Variants in OTUD3 observed in about 807,000 individuals in gnomAD.
OTUD3 encodes OTU domain-containing protein 3.
OTUD3 carries 24 observed loss-of-function variants against 46.2 expected under a neutral mutation model. The observed-to-expected ratio is 0.52, with a 90% CI of 0.38 to 0.73. The LOEUF (loss-of-function observed/expected upper bound fraction) is 0.73, where lower values mean the gene tolerates loss of function less well. Ranked by LOEUF, OTUD3 falls within the 30% of genes least tolerant of loss-of-function variation. The pLI, the probability that OTUD3 is intolerant of heterozygous loss-of-function variation, is 0.00. For missense variants in OTUD3, 455 were observed against 523.3 expected, an observed-to-expected ratio of 0.87 and a Z score of 1.27; for synonymous variants, 189 against 195.4, an observed-to-expected ratio of 0.97 and a Z score of 0.27.
chr1:19,892,364 C>G (rs572573406), intron 2 of OTUD3, among the ~76,000 whole-genome samples: 213 of 152,212 alleles, frequency 1.4e-3, no homozygotes, highest in African/African-American at 4.9e-3. Flanking sequence ...TGCTGCCTAC[C>G]TTGTTGTACT....
chr1:19,908,095 T>C lies in OTUD3; in HGVS notation c.*349T>C, dbSNP rs1012404021. The C allele has an allele frequency of 5.6e-6, 1 of 177,358 alleles. No individual in the cohort carries two copies. The highest frequency in any genetic ancestry group is 5.9e-5 in the Admixed American group (1 of 16,842). The allele number at this position is 177,358 out of a possible 1,614,324, so 11.0% of individuals were successfully genotyped here. A position where few individuals can be genotyped will look rare whatever the true frequency, so the allele number is the denominator to read the frequency against. On this transcript the variant is annotated 3_prime_UTR_variant, in exon 8 of 8. Coordinates refer to ENST00000375120, the MANE Select transcript of OTUD3 (RefSeq NM_015207.2). ...TGACCCTAGGATCTTTCCTTAACAT[T>C]TGGGGTGAGTTTTGCTGTAATTGTT...
intron 1 of OTUD3, among the ~76,000 whole-genome samples, chr1:19,883,548 T>C (rs2045306588): frequency 6.6e-6 from 1 of 152,190 alleles, no homozygotes; most frequent in African/African-American, 2.4e-5. Context: ...AATAACAGCC[T>C]GGCTTTTGTT....
intron 1 of OTUD3, among the ~76,000 whole-genome samples, chr1:19,886,333 T>C (rs539834745): frequency 5.9e-4 from 90 of 152,366 alleles, no homozygotes; most frequent in Non-Finnish European, 1.2e-3. Flanking sequence ...TCACTAATTT[T>C]AGCTGTTTAT....
chr1:19,911,705 T>A lies in OTUD3; in HGVS notation c.*3959T>A, dbSNP rs963735845. 1.4e-4 allele frequency: 21 copies of A among 152,302 alleles called. No individual in the cohort carries two copies. The highest frequency in any genetic ancestry group is 5.1e-4 in the African/African-American group (21 of 41,434). The allele number at this position is 152,302 out of a possible 1,614,324, so 9.4% of individuals were successfully genotyped here. ...GCCCGGCCAGTAAATTGTATTTTTT[T>A]AATGACATCATTGATTTGAAGATCT... is the stretch of plus-strand genomic sequence containing the variant. On this transcript the variant is annotated 3_prime_UTR_variant, in exon 8 of 8. Coordinates refer to ENST00000375120, the MANE Select transcript of OTUD3 (RefSeq NM_015207.2).
At chr1:19,885,358 G>C (rs1317962315) in intron 1 of OTUD3, among the ~76,000 whole-genome samples, 1 of 152,162 alleles carries the variant, frequency 6.6e-6, no homozygotes, top group Non-Finnish European at 1.5e-5. Flanking sequence ...TTCAGCCCTC[G>C]TCAGTATCCT....
intron 4 of OTUD3, among the ~76,000 whole-genome samples, chr1:19,901,882 T>G (rs115933842): frequency 0.017 from 2,522 of 152,342 alleles, 75 homozygotes; most frequent in African/African-American, 0.056. Context: ...TTCCATTGTT[T>G]GGAGAGATGA....
chr1:19,900,349 C>T (rs2045570004), intron 4 of OTUD3, among the ~76,000 whole-genome samples: 1 of 152,022 alleles, frequency 6.6e-6, no homozygotes, highest in South Asian at 2.1e-4. Flanking sequence ...TACCACTATG[C>T]CTGGCTAATT....
chr1:19,882,409 G>A lies in OTUD3; in HGVS notation c.-105G>A. The A allele has an allele frequency of 1.5e-6, 2 of 1,298,654 alleles. No individual in the cohort carries two copies. The highest frequency in any genetic ancestry group is 6.3e-5 in the East Asian group (2 of 31,590). 80.4% of individuals were successfully genotyped at this position (1,298,654 alleles called of 1,614,324 possible). A position where few individuals can be genotyped will look rare whatever the true frequency, so the allele number is the denominator to read the frequency against. ...CAGGCGCGGTTGCTGCGTAGTCGTC[G>A]CCGGGCTCCGTTGCCCGCGCTGTTT... is the stretch of plus-strand genomic sequence containing the variant. On this transcript the variant is annotated 5_prime_UTR_variant, in exon 1 of 8. Transcript: ENST00000375120.
rs147142392 is a variant in OTUD3 at position 19,893,682 on chromosome 1, A to T, written c.371-686A>T. Among the ~76,000 whole-genome samples the T allele has an allele frequency of 1.5e-4, 23 of 152,328 alleles. No homozygotes were observed. The East Asian group carries it at 4.2e-3, about 28-fold the overall frequency. On this transcript the variant is annotated intron_variant, in intron 2 of 7. Coordinates refer to ENST00000375120, the MANE Select transcript of OTUD3 (RefSeq NM_015207.2). The stretch of plus-strand genomic sequence containing the variant: ...AACAGACACTCTCATCACCTTTGGG[A>T]ATTCCAGAGGTTTAGAAGTGACCTC...
intron 1 of OTUD3, among the ~76,000 whole-genome samples, chr1:19,886,226 T>G (rs576568515): frequency 5.3e-5 from 8 of 152,372 alleles, no homozygotes; most frequent in African/African-American, 1.9e-4. Context: ...CAGTACAATA[T>G]TAACATCCCT....
chr1:19,902,984 TC>T (rs2045610421), intron 4 of OTUD3, among the ~76,000 whole-genome samples: 1 of 151,994 alleles, frequency 6.6e-6, no homozygotes, highest in Non-Finnish European at 1.5e-5. Flanking sequence ...TTGGGTGGTT[TC>T]CAGTTATTCA....
chr1:19,893,265 C>G (rs72658584), intron 2 of OTUD3, among the ~76,000 whole-genome samples: 3,747 of 152,318 alleles, frequency 0.025, 72 homozygotes, highest in Non-Finnish European at 0.037. Flanking sequence ...TCTCCCAGAA[C>G]CTCCCTTAGG....
rs1320477520 is a variant in OTUD3 at position 19,897,173 on chromosome 1, A to G, written c.484-367A>G. ...GAGCCTTCAAATAGTTAGGGCTTCA[A>G]GCTCAACAAATCTGGATCTGCCCCT... On this transcript the variant is annotated intron_variant, in intron 3 of 7. Transcript: ENST00000375120. Among the ~76,000 whole-genome samples, 3 of 152,124 alleles carry G rather than the reference A, an allele frequency of 2.0e-5. No homozygotes were observed. The East Asian group carries it at 5.8e-4, about 29-fold the overall frequency.
chr1:19,907,946 A>G lies in OTUD3; in HGVS notation c.*200A>G, dbSNP rs1219758786. Reference sequence around the variant, plus strand: ...TAGTGATATGTTGGTGTTTTATGAAAATGCAGTGAGGCCATTCATATTCTG... The same window carrying G: ...TAGTGATATGTTGGTGTTTTATGAAGATGCAGTGAGGCCATTCATATTCTG... On this transcript the variant is annotated 3_prime_UTR_variant, in exon 8 of 8. Coordinates refer to ENST00000375120, the MANE Select transcript of OTUD3 (RefSeq NM_015207.2). 2 of 501,324 alleles carry G rather than the reference A, an allele frequency of 4.0e-6. No homozygotes were observed. The highest frequency in any genetic ancestry group is 7.0e-6 in the Non-Finnish European group (2 of 284,650). The allele number at this position is 501,324 out of a possible 1,614,324, so 31.1% of individuals were successfully genotyped here.
intron 4 of OTUD3, among the ~76,000 whole-genome samples, chr1:19,899,625 A>G (rs929198285): frequency 1.3e-5 from 2 of 152,196 alleles, no homozygotes; most frequent in African/African-American, 4.8e-5. Context: ...ACACATTCCT[A>G]GAAGGTCCTT....
Position 19,904,770 on chromosome 1 carries a change from G to A in OTUD3, c.739-121G>A. The A allele has an allele frequency of 4.8e-6, 3 of 629,956 alleles. No homozygotes were observed. The South Asian group carries it at 6.2e-5, about 13-fold the overall frequency. 39.0% of individuals were successfully genotyped at this position (629,956 alleles called of 1,614,324 possible). ...CATTTTTCTAAATGGAAAAGGTCCTGAAACCTTGTGTTAATTCTCACTATT... is the reference window on the plus strand; with the variant it reads ...CATTTTTCTAAATGGAAAAGGTCCTAAAACCTTGTGTTAATTCTCACTATT... On this transcript the variant is annotated intron_variant, in intron 5 of 7. Transcript: ENST00000375120.
intron 7 of OTUD3, chr1:19,906,979 T>C (rs1469839334): frequency 1.2e-5 from 2 of 173,252 alleles, no homozygotes; most frequent in African/African-American, 4.8e-5. Context: ...TTTTGCATTA[T>C]TTTCTTGAAT....
chr1:19,897,703 C>A (rs1344110384), intron 4 of OTUD3, 41 bp downstream of exon 4: 2 of 1,597,272 alleles, frequency 1.3e-6, no homozygotes, highest in Admixed American at 1.7e-5. Context: ...CCCCGCCCTA[C>A]AGGAAACAGA....
intron 2 of OTUD3, among the ~76,000 whole-genome samples, chr1:19,893,562 C>T (rs1469882078): frequency 6.6e-6 from 1 of 152,174 alleles, no homozygotes; most frequent in Non-Finnish European, 1.5e-5. Context: ...TATTGATTTA[C>T]TGCATGTCTA....
Sources: allele counts gnomAD v4.1 joint callset (sites outside exome capture counted in the v4.1 genomes callset), GRCh38; gene constraint gnomAD v4.1.1; transcripts MANE v1.5; gene names NCBI Gene and HGNC (gene_info 2026-07-23, HGNC 2026-07-21).